CDHR2: variants seen among roughly 807,000 people sequenced by gnomAD.
CDHR2 encodes the protein cadherin-related family member 2.
CDHR2 carries 104 observed loss-of-function variants against 138.6 expected under a neutral mutation model. The ratio of observed to expected loss-of-function variants is 0.75; its 90% CI spans 0.64 to 0.88. CDHR2 has a LOEUF of 0.88. CDHR2 is among the 40% of genes least tolerant of loss of function. The pLI, the probability that CDHR2 is intolerant of heterozygous loss-of-function variation, is 0.00. For missense variants in CDHR2, 1,624 were observed against 1,727.6 expected (o/e 0.94, Z 1.06); for synonymous variants, 755 against 742.8 (o/e 1.02, Z -0.27).
Position 176,568,799 on chromosome 5 carries a change from C to G in CDHR2, c.246C>G (p.Ala82=). The change falls in exon 4 of 32, where the codon GCC becomes GCG. Residue 82 remains alanine, a synonymous_variant. Coordinates refer to ENST00000261944, the MANE Select transcript of CDHR2 (RefSeq NM_017675.6). The part of the protein sequence containing the change: ...VTPKTGEVKL[A]SALDYETLYT... ...CGAAAACTGGGGAAGTGAAGCTGGC[C>G]AGCGCTCTGGACTACGAGGTAAAGA... is the stretch of plus-strand genomic sequence containing the variant. 1.2e-6 allele frequency: 2 copies of G among 1,614,180 alleles called. No individual in the cohort carries two copies. The highest frequency in any genetic ancestry group is 1.3e-5 in the African/African-American group (1 of 75,068).
intron 1 of CDHR2, among the ~76,000 whole-genome samples, chr5:176,551,140 C>T (rs1241311435): frequency 6.6e-6 from 1 of 152,156 alleles, no homozygotes; most frequent in African/African-American, 2.4e-5. Context: ...TCCTGACTAG[C>T]TAGGATTACA....
At chr5:176,586,883 C>T in intron 21 of CDHR2, 41 bp downstream of exon 21, 1 of 1,550,130 alleles carries the variant, frequency 6.5e-7, no homozygotes, top group Non-Finnish European at 8.8e-7. Flanking sequence ...ATATGAGCCC[C>T]AGGGGACACA....
chr5:176,588,579 G>A (rs1758743945), intron 21 of CDHR2, among the ~76,000 whole-genome samples: 1 of 144,832 alleles, frequency 6.9e-6, no homozygotes, highest in Admixed American at 6.8e-5. Flanking sequence ...GTGAGAGTGT[G>A]TGTGAGGGTG....
At chr5:176,580,180 T>A (rs1166173677) in intron 16 of CDHR2, among the ~76,000 whole-genome samples, 8 of 145,936 alleles carry the variant, frequency 5.5e-5, no homozygotes, top group South Asian at 2.2e-4. Context: ...TCACACACAC[T>A]CACACACGCA....
intron 1 of CDHR2, among the ~76,000 whole-genome samples, chr5:176,561,269 T>G (rs1316822244): frequency 2.0e-5 from 3 of 152,114 alleles, no homozygotes; most frequent in Non-Finnish European, 4.4e-5. Flanking sequence ...TTATGCTGGA[T>G]TTGGACCCAG....
At chr5:176,572,960 A>C (rs1758271191) in intron 6 of CDHR2, among the ~76,000 whole-genome samples, 1 of 152,236 alleles carries the variant, frequency 6.6e-6, no homozygotes, top group Non-Finnish European at 1.5e-5. Context: ...CCCCACAATG[A>C]GCACGAGACA....
At chr5:176,558,214 AT>A (rs34795456) in intron 1 of CDHR2, among the ~76,000 whole-genome samples, 56,383 of 132,146 alleles carry the variant, frequency 0.43, 12,892 homozygotes, top group East Asian at 0.65. Context: ...TTCTTTTCTT[AT>A]TTTTTTTTTT....
intron 31 of CDHR2, among the ~76,000 whole-genome samples, chr5:176,595,279 G>A (rs773131937): frequency 2.0e-5 from 3 of 152,176 alleles, no homozygotes; most frequent in African/African-American, 4.8e-5. Flanking sequence ...GCAGAGTGCC[G>A]CAGTGTTGGT....
Position 176,571,303 on chromosome 5 carries a change from G to T in CDHR2, c.405+1G>T, listed in dbSNP as rs1386498708. ...CGCTTTCTCCACCAGCATCAACGAG[G>T]TGACACCTGCCTTAATGTGGTTGTG... On this transcript the variant is annotated splice_donor_variant, in intron 6 of 31. Coordinates refer to ENST00000261944, the MANE Select transcript of CDHR2 (RefSeq NM_017675.6). LOFTEE classifies it high-confidence loss of function. 1 of 1,603,834 alleles carries T rather than the reference G, an allele frequency of 6.2e-7. No individual in the cohort carries two copies. The highest frequency in any genetic ancestry group is 8.5e-7 in the Non-Finnish European group (1 of 1,174,820).
chr5:176,566,201 G>A (rs1040803000), intron 3 of CDHR2, among the ~76,000 whole-genome samples: 14 of 152,050 alleles, frequency 9.2e-5, no homozygotes, highest in Non-Finnish European at 1.9e-4. Flanking sequence ...TTCTGTCTAT[G>A]GCAGGTGAGA....
At chr5:176,575,063 C>A in intron 7 of CDHR2, 21 bp from the exon 8 acceptor site, 1 of 1,613,598 alleles carries the variant, frequency 6.2e-7, no homozygotes, top group Non-Finnish European at 8.5e-7. Context: ...GGGAGCCTGA[C>A]CCAAGTCTGC....
chr5:176,592,167 G>C (rs1357055502), intron 30 of CDHR2, among the ~76,000 whole-genome samples: 1 of 151,008 alleles, frequency 6.6e-6, no homozygotes, highest in Non-Finnish European at 1.5e-5. Context: ...TGATGATGGT[G>C]GTGGTGGTGT....
Position 176,584,760 on chromosome 5 carries a change from C to T in CDHR2, c.2479C>T (p.Gln827Ter). The change falls in exon 19 of 32, where the codon CAG (glutamine) becomes TAG (stop). Residue 827 changes from glutamine to a stop codon, truncating the protein, a stop_gained. Transcript: ENST00000261944. LOFTEE classifies it high-confidence loss of function. ...GGCTGAGAATGGCTCACAGCACGGC[C>T]AGGTGGCTGTGGTGGTTGCCTCGGA... ...RVAENGSQHGQVAVVVASDVD... is the reference protein window; with the variant it reads ...RVAENGSQHG 1 of 1,614,204 alleles carries T rather than the reference C, an allele frequency of 6.2e-7. No individual in the cohort carries two copies.
In CDHR2 at chr5:176,571,243, G is replaced by C; in HGVS notation, c.346G>C (p.Asp116His). ...GAGGGAGATGCTGGTGATTGTGGAA[G>C]ATAGAAACGACAACGCACCCGTTTT... ...VQREMLVIVE[D>H]RNDNAPVFQN... Residue 116 changes from aspartate (D) to histidine (H), a missense_variant, in exon 6 of 32, where the codon GAT (aspartate) becomes CAT (histidine). This residue lies in a region of CDHR2 where 1,061 missense variants were observed against 1,136.6 expected (regional missense o/e 0.93). Transcript: ENST00000261944. The C allele has an allele frequency of 6.2e-7, 1 of 1,612,864 alleles. No individual in the cohort carries two copies.
intron 1 of CDHR2, among the ~76,000 whole-genome samples, chr5:176,562,054 C>T (rs1351474195): frequency 1.3e-5 from 2 of 151,832 alleles, no homozygotes; most frequent in East Asian, 1.9e-4. Flanking sequence ...TGTGGGCGTG[C>T]GGGAGATGAG....
Position 176,591,238 on chromosome 5 carries a change from G to A in CDHR2, c.3568G>A (p.Ala1190Thr), listed in dbSNP as rs777865458. 6.2e-7 allele frequency: 1 copy of A among 1,613,900 alleles called. No homozygotes were observed. The highest frequency in any genetic ancestry group is 8.5e-7 in the Non-Finnish European group (1 of 1,179,952). The change falls in exon 29 of 32, where the codon GCT (alanine) becomes ACT (threonine). Residue 1190 changes from alanine (A) to threonine (T), a missense_variant. Transcript: ENST00000261944. ...CAACCGGAAGCTTCAAGCTATGAAG[G>A]CTGCCAAGGAGGCCAGGAAGACAGC... ...SYNRKLQAMK[A>T]AKEARKTAAG...
chr5:176,584,181 T>A lies in CDHR2; in HGVS notation c.2059-9T>A. On this transcript the variant is annotated splice_polypyrimidine_tract_variant and intron_variant, in intron 17 of 31. Coordinates refer to ENST00000261944, the MANE Select transcript of CDHR2 (RefSeq NM_017675.6). ...GATCCCGGGGACTCAGACCTGTCTC[T>A]GACTGCAGGACATCAATGATAACCT... 6.2e-7 allele frequency: 1 copy of A among 1,613,596 alleles called. No homozygotes were observed. Among genetic ancestry groups the A allele is most frequent in the Non-Finnish European group, 8.5e-7 (1 of 1,179,488 alleles).
At chr5:176,565,816 GC>G in intron 3 of CDHR2, 73 bp downstream of exon 3, 3 of 1,144,888 alleles carry the variant, frequency 2.6e-6, no homozygotes, top group Non-Finnish European at 3.9e-6. Context: ...GCCCTCTGGA[GC>G]CCCCACCATG....
chr5:176,577,883 T>A (rs1272500461), intron 14 of CDHR2, 85 bp downstream of exon 14: 10 of 1,522,872 alleles, frequency 6.6e-6, no homozygotes, highest in Non-Finnish European at 9.0e-6. Context: ...TGTGTGTATG[T>A]GTGAGATGGG....
Sources: allele counts gnomAD v4.1 joint callset (sites outside exome capture counted in the v4.1 genomes callset), GRCh38; gene constraint gnomAD v4.1.1; regional missense constraint gnomAD v4.1.1; transcripts MANE v1.5; gene names NCBI Gene and HGNC (gene_info 2026-07-23, HGNC 2026-07-21).